SCAP: variants seen among roughly 807,000 people sequenced by gnomAD.
SCAP encodes SREBF chaperone.
A neutral mutation model predicts 123.6 loss-of-function variants in SCAP; 65 were observed. The ratio of observed to expected loss-of-function variants is 0.53; its 90% CI spans 0.43 to 0.65. The LOEUF is 0.65. SCAP is among the 30% of genes least tolerant of loss of function. SCAP has a pLI of 0.00. For missense variants in SCAP, 1,398 were observed against 1,712.5 expected, an observed-to-expected ratio of 0.82 and a Z score of 3.24; for synonymous variants, 740 against 726.3, an observed-to-expected ratio of 1.02 and a Z score of -0.30.
chr3:47,419,961 C>A lies in SCAP; in HGVS notation c.1564-257G>T, dbSNP rs1350618458. Among the ~76,000 whole-genome samples, 1 of 152,210 alleles carries A rather than the reference C, an allele frequency of 6.6e-6. No individual in the cohort carries two copies. Among genetic ancestry groups the A allele is most frequent in the African/African-American group, 2.4e-5 (1 of 41,456 alleles). On this transcript the variant is annotated intron_variant, in intron 12 of 22. Coordinates refer to ENST00000265565, the MANE Select transcript of SCAP (RefSeq NM_012235.4). This position sits in a 1 kb window ranked among gnomAD's most constrained non-coding sequence, Gnocchi z 5.0. ...TGGCCTGGAAATACACTGAAGCACC[C>A]TGAGGTTTGACACAGAATGTCCCCA...
At chr3:47,418,009 G>A (rs1326786721) in intron 16 of SCAP, 125 bp downstream of exon 16, 2 of 562,222 alleles carry the variant, frequency 3.6e-6, no homozygotes, top group Non-Finnish European at 6.3e-6. Context: ...GGGGGTGGGG[G>A]GAGAGGGGGC....
chr3:47,418,139 G>C lies in SCAP; in HGVS notation c.2442C>G (p.Arg814=), dbSNP rs1203324489. 2 of 1,557,126 alleles carry C rather than the reference G, an allele frequency of 1.3e-6. No individual in the cohort carries two copies. The highest frequency in any genetic ancestry group is 1.7e-6 in the Non-Finnish European group (2 of 1,151,312). Residue 814 remains arginine, a synonymous_variant, in exon 16 of 23, where the codon CGC becomes CGG. Transcript: ENST00000265565. ...GAAAGGGCAGCCGCACCTACCCTGG[G>C]CGCGGAATGCGCGTTAGGCAATCCC... ...QTGDCLTRIP[R]PGRQRRDSGV...
chr3:47,421,254 C>T, intron 10 of SCAP: 2 of 567,358 alleles, frequency 3.5e-6, no homozygotes, highest in East Asian at 6.1e-5. Flanking sequence ...TCAGAAAGGG[C>T]TGAAAGGGAA....
intron 3 of SCAP, among the ~76,000 whole-genome samples, chr3:47,432,074 G>A (rs543013256): frequency 1.4e-4 from 22 of 152,172 alleles, no homozygotes; most frequent in African/African-American, 3.9e-4. Context: ...CAGCACTTTG[G>A]GAGGCCGAGG....
chr3:47,455,744 C>T (rs1439834656), intron 1 of SCAP, among the ~76,000 whole-genome samples: 1 of 152,076 alleles, frequency 6.6e-6, no homozygotes, highest in East Asian at 1.9e-4. Flanking sequence ...TTCCTACATT[C>T]ATCTAGAAAT....
Position 47,417,518 on chromosome 3 carries a change from A to G in SCAP, c.2756T>C (p.Val919Ala), listed in dbSNP as rs1377562283. Residue 919 changes from valine (V) to alanine (A), a missense_variant, in exon 17 of 23, where the codon GTG becomes GCG. Physicochemically the swap from Val to Ala is moderately conservative, Grantham distance 64 (BLOSUM62 0). Transcript: ENST00000265565. Reference sequence around the variant, plus strand: ...GGCCGCCAGCCCCTCCTCCTGGTACACCCGCTGCACCAGGCAGCTGAAGTC... The same window carrying G: ...GGCCGCCAGCCCCTCCTCCTGGTACGCCCGCTGCACCAGGCAGCTGAAGTC... ...GYDFSCLVQR[V>A]YQEEGLAAVC... is the part of the protein sequence containing the mutation. The G allele has an allele frequency of 1.3e-6, 2 of 1,557,804 alleles. No individual in the cohort carries two copies. Among genetic ancestry groups the G allele is most frequent in the East Asian group, 4.8e-5 (2 of 41,806 alleles).
chr3:47,448,378 T>C (rs1318687196), intron 1 of SCAP, among the ~76,000 whole-genome samples: 2 of 152,158 alleles, frequency 1.3e-5, no homozygotes, highest in African/African-American at 2.4e-5. Flanking sequence ...TGTGGATTCT[T>C]TGGAAATTTC....
chr3:47,454,840 CA>C (rs1707356991), intron 1 of SCAP, among the ~76,000 whole-genome samples: 1 of 151,628 alleles, frequency 6.6e-6, no homozygotes, highest in Admixed American at 6.6e-5. Context: ...AAGCTAAAAT[CA>C]AGCCCAATGG....
Position 47,428,648 on chromosome 3 carries a change from T to C in SCAP, c.275A>G (p.Tyr92Cys). The C allele has an allele frequency of 6.2e-7, 1 of 1,614,000 alleles. No homozygotes were observed. The highest frequency in any genetic ancestry group is 8.5e-7 in the Non-Finnish European group (1 of 1,179,978). Reference sequence around the variant, plus strand: ...GGACTTCACAAATATCTGCTGGACATAAGCCACCGGGGCACCCACATACTG... The same window carrying C: ...GGACTTCACAAATATCTGCTGGACACAAGCCACCGGGGCACCCACATACTG... ...PEWYVGAPVA[Y>C]VQQIFVKSSV... is the part of the protein sequence containing the mutation. Residue 92 changes from tyrosine to cysteine, a missense_variant, in exon 4 of 23, where the codon TAT becomes TGT. Around this residue, in one of 7 missense-constraint regions of SCAP, gnomAD observed 319 missense variants for 432.4 expected, o/e 0.74. Coordinates refer to ENST00000265565, the MANE Select transcript of SCAP (RefSeq NM_012235.4).
intron 9 of SCAP, among the ~76,000 whole-genome samples, chr3:47,423,435 CCA>C (rs934506266): frequency 9.2e-5 from 14 of 152,232 alleles, no homozygotes; most frequent in Non-Finnish European, 2.9e-5. Flanking sequence ...CAAGCCCCAC[CCA>C]CACTGAAGTG....
At position 47,450,147 on chromosome 3, in the gene SCAP, G is replaced by A. The variant is rs926206103; in HGVS notation, c.-98-7056C>T. Reference sequence around the variant, plus strand: ...CAAGTAGCTGGAGTTACAGGCGTGCGCCACCCCACCCAGCTAATTTTTATA... The same window carrying A: ...CAAGTAGCTGGAGTTACAGGCGTGCACCACCCCACCCAGCTAATTTTTATA... On this transcript the variant is annotated intron_variant, in intron 1 of 22. Coordinates refer to ENST00000265565, the MANE Select transcript of SCAP (RefSeq NM_012235.4). Among the ~76,000 whole-genome samples the A allele has an allele frequency of 2.4e-5, 3 of 124,008 alleles. 1 individual carries two copies. The highest frequency in any genetic ancestry group is 8.3e-5 in the African/African-American group (3 of 36,228). 81.4% of individuals were successfully genotyped at this position (124,008 alleles called of 152,430 possible).
At chr3:47,472,151 G>A (rs1211910327) in intron 1 of SCAP, among the ~76,000 whole-genome samples, 2 of 150,312 alleles carry the variant, frequency 1.3e-5, no homozygotes, top group Non-Finnish European at 3.0e-5. Context: ...TAATTAAATG[G>A]GGCCGGGCGC....
chr3:47,418,969 A>C (rs1576253031), intron 13 of SCAP, 126 bp from the exon 14 acceptor site: 1 of 1,071,874 alleles, frequency 9.3e-7, no homozygotes, highest in African/African-American at 1.6e-5. Context: ...CTCTCCCAGC[A>C]TGGGGGGTTG....
intron 18 of SCAP, among the ~76,000 whole-genome samples, chr3:47,416,843 G>A (rs987856817): frequency 5.3e-5 from 8 of 151,756 alleles, no homozygotes; most frequent in Admixed American, 1.3e-4. Flanking sequence ...AGCCGGGATG[G>A]TCTCGATCTC....
Position 47,418,247 on chromosome 3 carries a change from GT to G in SCAP, c.2333del (p.Asp778AlafsTer13), listed in dbSNP as rs1705723192. 6.4e-6 allele frequency: 10 copies of G among 1,564,178 alleles called. No individual in the cohort carries two copies. Among genetic ancestry groups the G allele is most frequent in the Non-Finnish European group, 8.7e-6 (10 of 1,154,806 alleles). The part of the protein sequence containing the change: ...VPLVLRGHLM[D>X]IECLASDGML... ...TGCCGTCGCTGGCCAGGCACTCGATGTCCTGCAGAAGCCCGGTGTTGGTATG... is the reference window on the plus strand; with the variant it reads ...TGCCGTCGCTGGCCAGGCACTCGATGCCTGCAGAAGCCCGGTGTTGGTATG... On this transcript the variant is annotated frameshift_variant and splice_region_variant, in exon 16 of 23. Coordinates refer to ENST00000265565, the MANE Select transcript of SCAP (RefSeq NM_012235.4). LOFTEE classifies it high-confidence loss of function.
rs756770428 is a variant in SCAP, at chr3:47,417,782, T to C, written c.2492A>G (p.Gln831Arg). Reference sequence around the variant, plus strand: ...ATCTGAAAGTCGTTCCCAGCTCTCCTGAGCCTCAAGCCCGCTGCCCACGCC... The same window carrying C: ...ATCTGAAAGTCGTTCCCAGCTCTCCCGAGCCTCAAGCCCGCTGCCCACGCC... ...DSGVGSGLEAQESWERLSDGG... is the reference protein window; with the variant it reads ...DSGVGSGLEARESWERLSDGG... Residue 831 changes from glutamine (Q) to arginine (R), a missense_variant, in exon 17 of 23, where the codon CAG (glutamine) becomes CGG (arginine). Around this residue, in one of 7 missense-constraint regions of SCAP, gnomAD observed 828 missense variants for 882.5 expected, o/e 0.94. Coordinates refer to ENST00000265565, the MANE Select transcript of SCAP (RefSeq NM_012235.4). 1.5e-5 allele frequency: 23 copies of C among 1,555,568 alleles called. No individual in the cohort carries two copies. The highest frequency in any genetic ancestry group is 1.4e-5 in the Non-Finnish European group (16 of 1,151,314).
chr3:47,433,130 G>A (rs1706434602), intron 3 of SCAP, among the ~76,000 whole-genome samples: 1 of 152,168 alleles, frequency 6.6e-6, no homozygotes, highest in African/African-American at 2.4e-5. Context: ...CCTGCACCTG[G>A]CTGAGTTATA....
intron 7 of SCAP, 49 bp from the exon 8 acceptor site, chr3:47,425,660 G>T: frequency 6.3e-7 from 1 of 1,595,792 alleles, no homozygotes; most frequent in Non-Finnish European, 8.6e-7. Context: ...CCAGCCCCCG[G>T]CCCACTGGGG....
At chr3:47,470,630 A>T (rs1024238511) in intron 1 of SCAP, among the ~76,000 whole-genome samples, 1 of 152,228 alleles carries the variant, frequency 6.6e-6, no homozygotes, top group East Asian at 1.9e-4. Context: ...TGGGAGGCCG[A>T]GGCAGGCAGA....
Sources: gnomAD v4.1 joint callset for allele counts (sites outside exome capture counted in the v4.1 genomes callset) on GRCh38, gnomAD v4.1.1 for gene constraint, gnomAD v4.1.1 regional missense constraint, Gnocchi (gnomAD v3.1) non-coding constraint, MANE v1.5 for transcripts, NCBI Gene and HGNC (gene_info 2026-07-23, HGNC 2026-07-21) for gene names.